The following GOLT1B variants were observed in gnomAD, a reference collection of about 807,000 sequenced individuals.
GOLT1B encodes the protein vesicle transport protein GOT1B.
GOLT1B carries 3 observed loss-of-function variants against 15.4 expected under a neutral mutation model. The observed-to-expected ratio is 0.19, with a 90% confidence interval of 0.09 to 0.50. GOLT1B has a LOEUF of 0.50. Among genes scored for constraint, GOLT1B ranks in the 20% least tolerant of loss-of-function variants. The pLI is 0.97. For synonymous variants in GOLT1B, 65 were observed against 56.2 expected (o/e 1.16, Z -0.70); for missense variants, 145 against 160.4 (o/e 0.90, Z 0.52).
In GOLT1B at chr12:21,516,823, T is replaced by G. The variant is rs936136167; in HGVS notation, c.*1116T>G. On this transcript the variant is annotated 3_prime_UTR_variant, in exon 5 of 5. Coordinates refer to ENST00000229314, the MANE Select transcript of GOLT1B (RefSeq NM_016072.5). Reference sequence around the variant, plus strand: ...ATATCCTTCATATGATCACTCATCTTGAGTTAATTAGAAAATACCTGAGTT... The same window carrying G: ...ATATCCTTCATATGATCACTCATCTGGAGTTAATTAGAAAATACCTGAGTT... 6.6e-6 allele frequency: 1 copy of G among 152,150 alleles called. No individual in the cohort carries two copies. The highest frequency in any genetic ancestry group is 1.5e-5 in the Non-Finnish European group (1 of 67,920). 9.4% of individuals were successfully genotyped at this position (152,150 alleles called of 1,614,324 possible).
At chr12:21,502,543 G>A (rs1044413435) in intron 1 of GOLT1B, among the ~76,000 whole-genome samples, 13 of 152,318 alleles carry the variant, frequency 8.5e-5, no homozygotes, top group Non-Finnish European at 1.8e-4. Flanking sequence ...GTTTCAAGCA[G>A]TAGAGAAAAG....
At chr12:21,514,101 C>G (rs546402902) in intron 4 of GOLT1B, among the ~76,000 whole-genome samples, 3 of 152,298 alleles carry the variant, frequency 2.0e-5, no homozygotes, top group South Asian at 4.1e-4. Flanking sequence ...TCTAGGTGAT[C>G]TAGAATTCAG....
intron 4 of GOLT1B, among the ~76,000 whole-genome samples, chr12:21,513,788 C>G (rs1176161839): frequency 6.6e-6 from 1 of 152,116 alleles, no homozygotes; most frequent in African/African-American, 2.4e-5. Context: ...AGGGCAAAAC[C>G]TTGTCTCAAA....
chr12:21,509,244 CAA>C (rs1943701590), intron 3 of GOLT1B, among the ~76,000 whole-genome samples: 1 of 151,686 alleles, frequency 6.6e-6, no homozygotes, highest in East Asian at 1.9e-4. Context: ...ACTAAAAATT[CAA>C]AAATTAGCTG....
chr12:21,513,402 C>G (rs1453589642), intron 4 of GOLT1B, among the ~76,000 whole-genome samples: 1 of 152,134 alleles, frequency 6.6e-6, no homozygotes, highest in East Asian at 1.9e-4. Context: ...TTTTTGCCAC[C>G]TTGGGAAAAG....
intron 3 of GOLT1B, among the ~76,000 whole-genome samples, chr12:21,511,235 A>C (rs190340448): frequency 3.3e-5 from 5 of 152,310 alleles, no homozygotes; most frequent in Admixed American, 3.3e-4. Flanking sequence ...GAGCTCAAGG[A>C]AACACTGATG....
intron 1 of GOLT1B, among the ~76,000 whole-genome samples, chr12:21,506,176 C>A (rs746172078): frequency 2.0e-5 from 3 of 151,902 alleles, no homozygotes; most frequent in African/African-American, 7.2e-5. Context: ...AAACAGTATT[C>A]TTTGAAACTT....
chr12:21,503,871 G>GC (rs1010035609), intron 1 of GOLT1B, among the ~76,000 whole-genome samples: 23 of 3,366 alleles, frequency 6.8e-3, no homozygotes, highest in African/African-American at 7.7e-3. Context: ...TTTCCTCACC[G>GC]CCCCAAAAAA....
At chr12:21,502,081 G>A (rs371071372) in intron 1 of GOLT1B, 133 bp downstream of exon 1, 3 of 721,014 alleles carry the variant, frequency 4.2e-6, no homozygotes, top group South Asian at 1.5e-5. Context: ...AGCTAGGGCT[G>A]CTGGGACCCT....
rs537906877 is a variant in GOLT1B at position 21,512,230 on chromosome 12, G to A, written c.297-65G>A. ...TAACAGGATACTTTCTTTTTCCTTGGTTAGCAATTATTTTGAAAATAGAAA... is the reference window on the plus strand; with the variant it reads ...TAACAGGATACTTTCTTTTTCCTTGATTAGCAATTATTTTGAAAATAGAAA... On this transcript the variant is annotated intron_variant, in intron 3 of 4. Coordinates refer to ENST00000229314, the MANE Select transcript of GOLT1B (RefSeq NM_016072.5). 12 of 823,116 alleles carry A rather than the reference G, an allele frequency of 1.5e-5. No individual in the cohort carries two copies. The African/African-American group carries it at 1.5e-4, about 11-fold the overall frequency. 51.0% of individuals were successfully genotyped at this position (823,116 alleles called of 1,614,324 possible).
At position 21,508,876 on chromosome 12, in the gene GOLT1B, G is replaced by GGTAC. The variant is rs1338905907; in HGVS notation, c.296+318_296+319insCGTA. ...AGGTAGGTCGGTCGATCGATCAATC[G>GGTAC]GTAGGTAGGTAGGTAGATAGATAGA... On this transcript the variant is annotated intron_variant, in intron 3 of 4. Coordinates refer to ENST00000229314, the MANE Select transcript of GOLT1B (RefSeq NM_016072.5). Among the ~76,000 whole-genome samples the GGTAC allele has an allele frequency of 1.9e-3, 182 of 96,228 alleles. 1 individual carries two copies. The South Asian group carries it at 0.041, about 22-fold the overall frequency. 63.1% of individuals were successfully genotyped at this position (96,228 alleles called of 152,430 possible).
rs376068029 is a variant in GOLT1B, at chr12:21,501,922, C to G, written c.-2C>G. 6 of 1,606,894 alleles carry G rather than the reference C, an allele frequency of 3.7e-6. No individual in the cohort carries two copies. The African/African-American group carries it at 8.0e-5, about 21-fold the overall frequency. The stretch of plus-strand genomic sequence containing the variant: ...GTCGCCGCTGTCCCCACCACTGCAG[C>G]CATGATCTCCTTAACGGACACGCAG... On this transcript the variant is annotated 5_prime_UTR_variant, in exon 1 of 5. Coordinates refer to ENST00000229314, the MANE Select transcript of GOLT1B (RefSeq NM_016072.5).
intron 1 of GOLT1B, among the ~76,000 whole-genome samples, chr12:21,506,406 G>T (rs1943678911): frequency 6.6e-6 from 1 of 151,956 alleles, no homozygotes; most frequent in Non-Finnish European, 1.5e-5. Flanking sequence ...TGATTGTGCG[G>T]ACCTACCATA....
intron 1 of GOLT1B, among the ~76,000 whole-genome samples, chr12:21,505,883 G>T (rs1943675115): frequency 6.6e-6 from 1 of 152,018 alleles, no homozygotes; most frequent in African/African-American, 2.4e-5. Context: ...GATCAAGGAG[G>T]TAACTTAGTG....
intron 3 of GOLT1B, among the ~76,000 whole-genome samples, chr12:21,511,446 T>C (rs2080104): frequency 0.026 from 3,981 of 150,392 alleles, 58 homozygotes; most frequent in Middle Eastern, 0.049. Context: ...CTAGGCATGA[T>C]TGATTAAATT....
At chr12:21,513,875 A>G (rs1268651889) in intron 4 of GOLT1B, among the ~76,000 whole-genome samples, 1 of 152,226 alleles carries the variant, frequency 6.6e-6, no homozygotes, top group African/African-American at 2.4e-5. Flanking sequence ...GGGCAGAGAC[A>G]GGTTGTATTT....
intron 4 of GOLT1B, 142 bp downstream of exon 4, chr12:21,512,518 G>A: frequency 1.8e-6 from 1 of 560,550 alleles, no homozygotes; most frequent in South Asian, 2.7e-5. Context: ...TGAGTACCAT[G>A]AAGACCAAAA....
intron 1 of GOLT1B, chr12:21,504,632 C>T: frequency 2.1e-6 from 1 of 475,826 alleles, no homozygotes; most frequent in South Asian, 1.5e-5. Context: ...TTTGCTGCTT[C>T]TATGATCAAG....
chr12:21,501,847 G>T lies in GOLT1B; in HGVS notation c.-77G>T. 9.7e-7 allele frequency: 1 copy of T among 1,025,934 alleles called. No homozygotes were observed. The highest frequency in any genetic ancestry group is 1.5e-6 in the Non-Finnish European group (1 of 653,590). The allele number at this position is 1,025,934 out of a possible 1,614,324, so 63.6% of individuals were successfully genotyped here. The stretch of plus-strand genomic sequence containing the variant: ...GCGGCTCTCGCCTGGGCTGTTTCCC[G>T]GCTTCATTTCTCCCGACTCAGCTTC... On this transcript the variant is annotated 5_prime_UTR_variant, in exon 1 of 5. Transcript: ENST00000229314.
Sources: gnomAD v4.1 joint callset for allele counts (sites outside exome capture counted in the v4.1 genomes callset) on GRCh38, gnomAD v4.1.1 for gene constraint, MANE v1.5 for transcripts, NCBI Gene and HGNC (gene_info 2026-07-23, HGNC 2026-07-21) for gene names.